The following ACSM2B variants were observed in gnomAD, a reference collection of about 807,000 sequenced individuals.
The protein encoded by ACSM2B is acyl-coenzyme A synthetase ACSM2B, mitochondrial.
ACSM2B carries 58 observed loss-of-function variants against 78.6 expected under a neutral mutation model. The ratio of observed to expected loss-of-function variants is 0.74; its 90% CI spans 0.60 to 0.92. The LOEUF (loss-of-function observed/expected upper bound fraction) is 0.92. Ranked by LOEUF, ACSM2B falls within the 40% of genes least tolerant of loss-of-function variation. The pLI is 0.00. For synonymous variants in ACSM2B, 257 were observed against 256.8 expected, an observed-to-expected ratio of 1.00 and a Z score of -0.01; for missense variants, 688 against 711.2, an observed-to-expected ratio of 0.97 and a Z score of 0.37.
chr16:20,540,908 G>C (rs1161020453), intron 12 of ACSM2B, 135 bp from the exon 13 acceptor site: 2 of 1,341,422 alleles, frequency 1.5e-6, no homozygotes, highest in African/African-American at 2.9e-5. Flanking sequence ...CAGGTCAAGG[G>C]AAAGGGAGAA....
Position 20,540,787 on chromosome 16 carries a change from G to A in ACSM2B, c.1510-14C>T. ...TGCCTTCACCACCTGCAAAATAGAT[G>A]AAGGCCAAGAGATAAGGGATTAGAG... On this transcript the variant is annotated splice_polypyrimidine_tract_variant and intron_variant, in intron 12 of 13. Transcript: ENST00000329697. 1 of 1,613,056 alleles carries A rather than the reference G, an allele frequency of 6.2e-7. No individual in the cohort carries two copies. The highest frequency in any genetic ancestry group is 2.2e-5 in the East Asian group (1 of 44,814).
At chr16:20,550,241 G>A (rs185972444) in intron 6 of ACSM2B, among the ~76,000 whole-genome samples, 4 of 152,190 alleles carry the variant, frequency 2.6e-5, no homozygotes. Flanking sequence ...CATGGCAATG[G>A]TTTAAGCAAA....
chr16:20,569,432 G>T (rs543900988), intron 1 of ACSM2B, among the ~76,000 whole-genome samples: 1 of 151,408 alleles, frequency 6.6e-6, no homozygotes, highest in Non-Finnish European at 1.5e-5. Flanking sequence ...ATGGTTCTAC[G>T]TGCCTATTTT....
intron 10 of ACSM2B, among the ~76,000 whole-genome samples, chr16:20,543,823 T>C (rs533192822): frequency 1.3e-5 from 2 of 152,284 alleles, no homozygotes; most frequent in South Asian, 4.2e-4. Context: ...GACTCAGGTA[T>C]AGGGGCATGG....
chr16:20,559,818 T>C (rs1429357789), intron 2 of ACSM2B, among the ~76,000 whole-genome samples: 2 of 151,060 alleles, frequency 1.3e-5, no homozygotes, highest in African/African-American at 4.9e-5. Context: ...TGCAATTCCC[T>C]TTAATGTCTT....
rs1197940417 is a variant in ACSM2B, at chr16:20,545,161, T to A, written c.1277A>T (p.Tyr426Phe). ...AGGAGAAGCACAGTTTCTCACCACA[T>A]AGCCAGAGAAGATGCCTATAGGCCT... ...PIRPIGIFSG[Y>F]VENPDKTAAN... is the part of the protein sequence containing the mutation. The change falls in exon 10 of 14, where the codon TAT becomes TTT. Residue 426 changes from tyrosine to phenylalanine, a missense_variant. Tyr to Phe is a conservative substitution (Grantham distance 22). Transcript: ENST00000329697. The A allele has an allele frequency of 1.2e-6, 2 of 1,612,246 alleles. No individual in the cohort carries two copies. The highest frequency in any genetic ancestry group is 1.7e-5 in the Admixed American group (1 of 59,950).
At chr16:20,558,915 T>C (rs1027407200) in intron 3 of ACSM2B, among the ~76,000 whole-genome samples, 1 of 152,142 alleles carries the variant, frequency 6.6e-6, no homozygotes, top group Non-Finnish European at 1.5e-5. Flanking sequence ...TTTATTTGTA[T>C]AGATTTTAAT....
intron 4 of ACSM2B, 24 bp downstream of exon 4, chr16:20,555,245 A>G: frequency 1.2e-6 from 2 of 1,613,780 alleles, no homozygotes; most frequent in African/African-American, 1.3e-5. Flanking sequence ...GTTAAAACCC[A>G]GGATGAGACA....
chr16:20,555,010 G>C (rs368967981), intron 4 of ACSM2B, among the ~76,000 whole-genome samples: 1 of 152,232 alleles, frequency 6.6e-6, no homozygotes, highest in African/African-American at 2.4e-5. Flanking sequence ...ATGATTCAGT[G>C]CTTTTCAATC....
chr16:20,558,587 T>C (rs548276798), intron 3 of ACSM2B, among the ~76,000 whole-genome samples: 59 of 152,194 alleles, frequency 3.9e-4, no homozygotes, highest in African/African-American at 1.4e-3. Context: ...TCTCTATCTC[T>C]TGGCAAAATC....
At position 20,548,407 on chromosome 16, in the gene ACSM2B, G is replaced by A. The variant is rs1163041274; in HGVS notation, c.961C>T (p.Gln321Ter). 1 of 1,613,668 alleles carries A rather than the reference G, an allele frequency of 6.2e-7. No homozygotes were observed. The change falls in exon 7 of 14, where the codon CAG becomes TAG. Residue 321 changes from glutamine (Q) to a stop codon, truncating the protein, a stop_gained. Coordinates refer to ENST00000329697, the MANE Select transcript of ACSM2B (RefSeq NM_001105069.2). LOFTEE classifies it high-confidence loss of function. Reference sequence around the variant, plus strand: ...AAGCCCCATCACCTGGAAAGATCCTGCTGTAGCAACATCCGGTAAACAATA... The same window carrying A: ...AAGCCCCATCACCTGGAAAGATCCTACTGTAGCAACATCCGGTAAACAATA... ...APIVYRMLLQ[Q>*]DLSSYKFPHL...
At position 20,574,385 on chromosome 16, in the gene ACSM2B, T is replaced by TTACATTC. The variant is rs1424739290; in HGVS notation, c.-9+1815_-9+1821dup. 6.9e-3 allele frequency: 1,049 copies of TTACATTC among 152,112 alleles called. 13 individuals carry two copies. The highest frequency in any genetic ancestry group is 0.025 in the African/African-American group (1,029 of 41,468). The allele number at this position is 152,112 out of a possible 1,614,324, so 9.4% of individuals were successfully genotyped here. A position where few individuals can be genotyped will look rare whatever the true frequency, so the allele number is the denominator to read the frequency against. ...TGTGCAATAGTAGTCCTGAGGTGAA[T>TTACATTC]TACATTCTGAGCTTATGAAGATAAC... is the stretch of plus-strand genomic sequence containing the variant. On this transcript the variant is annotated intron_variant, in intron 1 of 13. Coordinates refer to ENST00000329697, the MANE Select transcript of ACSM2B (RefSeq NM_001105069.2).
chr16:20,558,420 C>T (rs1019636565), intron 3 of ACSM2B, among the ~76,000 whole-genome samples: 1 of 150,394 alleles, frequency 6.6e-6, no homozygotes, highest in Non-Finnish European at 1.5e-5. Flanking sequence ...AAGAAACATC[C>T]TCCATCCTTC....
chr16:20,572,705 T>A (rs1164513714), intron 1 of ACSM2B, among the ~76,000 whole-genome samples: 3 of 151,714 alleles, frequency 2.0e-5, no homozygotes, highest in Non-Finnish European at 4.4e-5. Flanking sequence ...ATCTCAAGGA[T>A]GCCAATTATT....
chr16:20,548,546 C>T, intron 6 of ACSM2B, 73 bp from the exon 7 acceptor site: 1 of 1,609,274 alleles, frequency 6.2e-7, no homozygotes, highest in Non-Finnish European at 8.5e-7. Flanking sequence ...ACAGTGGTTA[C>T]AATTGTGAGC....
At chr16:20,540,081 A>G (rs2014942771) in intron 13 of ACSM2B, among the ~76,000 whole-genome samples, 1 of 152,234 alleles carries the variant, frequency 6.6e-6, no homozygotes, top group South Asian at 2.1e-4. Context: ...CAGGTAAGAT[A>G]CTGGCTAGAA....
intron 8 of ACSM2B, chr16:20,546,760 C>T (rs189501700): frequency 1.2e-4 from 42 of 347,460 alleles, no homozygotes; most frequent in African/African-American, 6.5e-4. Flanking sequence ...TTTAATACGA[C>T]GCTATGGATA....
At chr16:20,566,660 G>A (rs796579482) in intron 1 of ACSM2B, among the ~76,000 whole-genome samples, 631 of 6,870 alleles carry the variant, frequency 0.092, 8 homozygotes, top group South Asian at 0.17. Context: ...CTATATATAT[G>A]TATATATAGT....
intron 1 of ACSM2B, among the ~76,000 whole-genome samples, chr16:20,566,746 TATA>T (rs2015897002): frequency 1.2e-5 from 1 of 81,734 alleles, no homozygotes; most frequent in Non-Finnish European, 2.0e-5. Flanking sequence ...ATATACTATA[TATA>T]CTATATATAG....
Sources: allele counts gnomAD v4.1 joint callset (sites outside exome capture counted in the v4.1 genomes callset), GRCh38; gene constraint gnomAD v4.1.1; transcripts MANE v1.5; gene names NCBI Gene and HGNC (gene_info 2026-07-23, HGNC 2026-07-21).